The following DMD variants were observed in gnomAD, a reference collection of about 807,000 sequenced individuals.
DMD encodes mutant dystrophin.
A neutral mutation model predicts 330.1 loss-of-function variants in DMD; 63 were observed. The observed-to-expected ratio is 0.19, with a 90% CI of 0.16 to 0.24. The LOEUF is 0.24. Ranked by LOEUF, DMD falls within the 10% of genes least tolerant of loss-of-function variation. DMD has a pLI of 1.00. For synonymous variants in DMD, 1,223 were observed against 959.8 expected, an observed-to-expected ratio of 1.27 and a Z score of -5.07; for missense variants, 3,344 against 2,684.1, an observed-to-expected ratio of 1.25 and a Z score of -5.43.
At chrX:32,454,927 G>T in intron 25 of DMD, 95 bp from the exon 26 acceptor site, 1 of 1,003,194 alleles carries the variant, frequency 1.0e-6, no homozygotes, top group Non-Finnish European at 1.4e-6. Context: ...AGAAAGCTTA[G>T]ATAGTAATGA....
At chrX:31,803,089 A>AT (rs1365573257) in intron 50 of DMD, among the ~76,000 whole-genome samples, 1 of 112,389 alleles carries the variant, frequency 8.9e-6, no homozygotes, top group Non-Finnish European at 1.9e-5. Context: ...AGTGGTTAAA[A>AT]ATATATCCAT....
At chrX:32,049,146 G>A (rs984482237) in intron 44 of DMD, among the ~76,000 whole-genome samples, 1 of 111,585 alleles carries the variant, frequency 9.0e-6, no homozygotes, top group African/African-American at 3.3e-5. Context: ...ACAGATGACT[G>A]GCAATGAAGG....
intron 12 of DMD, among the ~76,000 whole-genome samples, chrX:32,600,474 G>A (rs72626044): frequency 9.4e-6 from 1 of 106,069 alleles, no homozygotes; most frequent in Admixed American, 1.0e-4. Flanking sequence ...GGAAAGAACA[G>A]GAAAAGAACA....
At chrX:32,242,785 G>C (rs751256810) in intron 43 of DMD, among the ~76,000 whole-genome samples, 29 of 110,099 alleles carry the variant, frequency 2.6e-4, no homozygotes, top group Non-Finnish European at 5.3e-4. Context: ...AGAACGCATT[G>C]GCATAGATAT....
Position 32,342,327 on chromosome X carries a change from A to G in DMD, c.5740-45T>C, listed in dbSNP as rs1437286936. 3 of 1,165,645 alleles carry G rather than the reference A, an allele frequency of 2.6e-6. No homozygotes were observed. In the East Asian group the frequency reaches 8.9e-5, roughly 35 times the overall value. Reference sequence around the variant, plus strand: ...CAGGGCCCAGGGCAGTTAGCTAACCACATCAACCGACTTGCAAGCAGCAAA... The same window carrying G: ...CAGGGCCCAGGGCAGTTAGCTAACCGCATCAACCGACTTGCAAGCAGCAAA... On this transcript the variant is annotated intron_variant, in intron 40 of 78. Transcript: ENST00000357033.
intron 2 of DMD, among the ~76,000 whole-genome samples, chrX:32,913,151 C>T (rs777593177): frequency 9.0e-6 from 1 of 111,298 alleles, no homozygotes; most frequent in Admixed American, 9.6e-5. Flanking sequence ...TTGTGAAAAA[C>T]GATTTTCCCC....
chrX:32,697,529 C>T (rs1427072935), intron 9 of DMD, among the ~76,000 whole-genome samples: 1 of 111,876 alleles, frequency 8.9e-6, no homozygotes, highest in Non-Finnish European at 1.9e-5. Context: ...CACAGATGTA[C>T]CTACACTTTT....
At chrX:31,477,378 C>T (rs767684268) in intron 59 of DMD, among the ~76,000 whole-genome samples, 24 of 111,803 alleles carry the variant, frequency 2.1e-4, no homozygotes, top group African/African-American at 5.8e-4. Context: ...ATGCTGAGTG[C>T]ATGAGGGAAT....
chrX:32,410,869 T>C (rs1220077211), intron 30 of DMD, among the ~76,000 whole-genome samples: 4 of 112,404 alleles, frequency 3.6e-5, no homozygotes, highest in African/African-American at 1.3e-4. Context: ...TCAGATTTAT[T>C]TTCAACACTA....
chrX:32,045,412 ACTC>A (rs1413892923), intron 44 of DMD, among the ~76,000 whole-genome samples: 3 of 93,537 alleles, frequency 3.2e-5, no homozygotes, highest in South Asian at 1.0e-3. Context: ...TGACATGCTT[ACTC>A]CTGTTTCATC....
intron 42 of DMD, among the ~76,000 whole-genome samples, chrX:32,308,804 C>T (rs1448546645): frequency 9.1e-6 from 1 of 110,469 alleles, no homozygotes; most frequent in Non-Finnish European, 1.9e-5. Context: ...CACTACTCTC[C>T]TGAACCAAAT....
chrX:32,014,409 C>A (rs1050746757), intron 44 of DMD, among the ~76,000 whole-genome samples: 2 of 111,206 alleles, frequency 1.8e-5, no homozygotes, highest in Non-Finnish European at 3.8e-5. Context: ...TCCAGGAATC[C>A]AAGCATTGGA....
At chrX:33,279,058 T>G (rs2053280258) in intron 1 of DMD, among the ~76,000 whole-genome samples, 1 of 111,606 alleles carries the variant, frequency 9.0e-6, no homozygotes, top group African/African-American at 3.3e-5. Flanking sequence ...ATTTGACTCT[T>G]GACCAACTAG....
At chrX:32,782,813 G>T (rs188843205) in intron 7 of DMD, among the ~76,000 whole-genome samples, 1 of 108,540 alleles carries the variant, frequency 9.2e-6, no homozygotes, top group East Asian at 2.9e-4. Context: ...TTCTCATGAC[G>T]TGCTTATTCC....
At chrX:32,782,841 C>A (rs2074915238) in intron 7 of DMD, among the ~76,000 whole-genome samples, 2 of 107,344 alleles carry the variant, frequency 1.9e-5, no homozygotes, top group South Asian at 7.8e-4. Flanking sequence ...ATGCCTCTAT[C>A]AAAACATCTC....
At position 33,009,386 on chromosome X, in the gene DMD, GTA is replaced by G. The variant is rs762835654; in HGVS notation, c.93+10751_93+10752del. Among the ~76,000 whole-genome samples the G allele has an allele frequency of 2.4e-4, 19 of 78,449 alleles. 4 individuals are homozygous for G. The highest frequency in any genetic ancestry group is 2.5e-4 in the African/African-American group (5 of 20,394). The allele number at this position is 78,449 out of a possible 115,157, so 68.1% of individuals were successfully genotyped here. ...TATGTGTATATGTGTATATACACGT[GTA>G]TATATGTGTGTATATGTGTATATAC... On this transcript the variant is annotated intron_variant, in intron 2 of 78. Coordinates refer to ENST00000357033, the MANE Select transcript of DMD (RefSeq NM_004006.3).
rs766537107 is a variant in DMD at position 32,767,309 on chromosome X, T to C, written c.649+42184A>G. 3.0e-3 allele frequency among the ~76,000 whole-genome samples: 335 copies of C among 111,358 alleles called. 1 individual carries two copies. The highest frequency in any genetic ancestry group is 3.9e-3 in the Non-Finnish European group (207 of 52,903). On this transcript the variant is annotated intron_variant, in intron 7 of 78. Transcript: ENST00000357033. ...AATAAGTTTTTACAAAATTTTCCTA[T>C]GCTATTTCCTTTATATTTTCTTTAG...
At chrX:31,825,532 A>C (rs1041442092) in intron 49 of DMD, among the ~76,000 whole-genome samples, 2 of 110,764 alleles carry the variant, frequency 1.8e-5, no homozygotes, top group Non-Finnish European at 3.8e-5. Flanking sequence ...CTTAGGTTCC[A>C]CTCTCTTCTC....
intron 44 of DMD, among the ~76,000 whole-genome samples, chrX:32,159,780 T>A (rs1489923337): frequency 9.0e-6 from 1 of 111,649 alleles, no homozygotes; most frequent in Non-Finnish European, 1.9e-5. Context: ...GTCTAAACAG[T>A]CTTTTATGTC....
Sources: gnomAD v4.1 joint callset for allele counts (sites outside exome capture counted in the v4.1 genomes callset) on GRCh38, gnomAD v4.1.1 for gene constraint, MANE v1.5 for transcripts, NCBI Gene and HGNC (gene_info 2026-07-23, HGNC 2026-07-21) for gene names.